The following CDH19 variants were observed in gnomAD, a reference collection of about 807,000 sequenced individuals.
The protein encoded by CDH19 is cadherin 19.
A neutral mutation model predicts 64.2 loss-of-function variants in CDH19; 67 were observed. The observed-to-expected ratio is 1.04, with a 90% CI of 0.86 to 1.28. The LOEUF is 1.28. Ranked by LOEUF, CDH19 falls within the 50% of genes most tolerant of loss-of-function variation. The probability of loss-of-function intolerance (pLI) is 0.00; values close to 1 mark genes in which losing one functional copy is unlikely to be tolerated. For synonymous variants in CDH19, 346 were observed against 319.3 expected (o/e 1.08, Z -0.89); for missense variants, 1,030 against 929.0 (o/e 1.11, Z -1.41).
chr18:66,522,405 T>TA, intron 9 of CDH19, among the ~76,000 whole-genome samples: 1 of 152,090 alleles, frequency 6.6e-6, no homozygotes, highest in Middle Eastern at 3.4e-3. Context: ...CATTCGCCAC[T>TA]ACGCCCGGCT....
intron 1 of CDH19, among the ~76,000 whole-genome samples, chr18:66,600,357 C>T (rs993668085): frequency 2.6e-5 from 4 of 151,680 alleles, no homozygotes; most frequent in Non-Finnish European, 4.4e-5. Context: ...ATTTAAGGGT[C>T]AGTTAAGTAA....
At chr18:66,554,636 C>G (rs1987454734) in intron 3 of CDH19, 112 bp from the exon 4 acceptor site, 1 of 728,394 alleles carries the variant, frequency 1.4e-6, no homozygotes, top group Non-Finnish European at 2.1e-6. Context: ...AATGAAAGCT[C>G]AATTCACCTC....
intron 9 of CDH19, among the ~76,000 whole-genome samples, chr18:66,517,230 T>C (rs1406504892): frequency 6.6e-6 from 1 of 152,024 alleles, no homozygotes; most frequent in Non-Finnish European, 1.5e-5. Flanking sequence ...AAGAGAATCA[T>C]AGATCACAAA....
chr18:66,532,489 TACACAC>T (rs34280650), intron 8 of CDH19: 35 of 146,732 alleles, frequency 2.4e-4, no homozygotes, highest in Admixed American at 8.6e-4. Context: ...AGAGCATTCA[TACACAC>T]ACACACACAC....
intron 7 of CDH19, among the ~76,000 whole-genome samples, chr18:66,542,627 T>G (rs1986932937): frequency 6.6e-6 from 1 of 152,178 alleles, no homozygotes; most frequent in Non-Finnish European, 1.5e-5. Flanking sequence ...CTCCTTTAAG[T>G]GGTATCCTGT....
intron 1 of CDH19, among the ~76,000 whole-genome samples, chr18:66,573,766 A>G (rs183793954): frequency 1.1e-4 from 16 of 151,648 alleles, no homozygotes; most frequent in African/African-American, 3.9e-4. Context: ...TAGTGTAATG[A>G]ACACCTGGAT....
chr18:66,556,200 G>T (rs1038231711), intron 3 of CDH19, among the ~76,000 whole-genome samples: 11 of 151,518 alleles, frequency 7.3e-5, no homozygotes, highest in African/African-American at 2.7e-4. Flanking sequence ...TATGCATATA[G>T]ATAGTAACAT....
At chr18:66,514,618 T>A (rs1356500909) in intron 9 of CDH19, among the ~76,000 whole-genome samples, 1 of 151,546 alleles carries the variant, frequency 6.6e-6, no homozygotes, top group African/African-American at 2.4e-5. Context: ...CTAATGGAAG[T>A]TTCATAAGTT....
chr18:66,580,842 C>T (rs988960427), intron 1 of CDH19, among the ~76,000 whole-genome samples: 1 of 152,028 alleles, frequency 6.6e-6, no homozygotes, highest in Non-Finnish European at 1.5e-5. Context: ...GTTTATACTC[C>T]TCTATATTCC....
At chr18:66,511,537 A>T (rs977204786) in intron 10 of CDH19, 31 bp downstream of exon 10, 1 of 926,544 alleles carries the variant, frequency 1.1e-6, no homozygotes, top group Non-Finnish European at 1.8e-6. Flanking sequence ...ACAAAAATGT[A>T]TCAAAACTCA....
chr18:66,567,829 CCAAGACAGTCAATTCTTAT>C (rs1398554472), intron 3 of CDH19, among the ~76,000 whole-genome samples: 6 of 151,782 alleles, frequency 4.0e-5, no homozygotes, highest in African/African-American at 1.4e-4. Flanking sequence ...TTTCTAATTT[CCAAGACAGTCAATTCTTAT>C]ATCTTATGGA....
chr18:66,543,859 G>C, intron 7 of CDH19, 112 bp downstream of exon 7: 1 of 786,468 alleles, frequency 1.3e-6, no homozygotes, highest in Non-Finnish European at 1.9e-6. Flanking sequence ...CTCGAGCCTA[G>C]AAGACAGAGT....
At position 66,501,806 on chromosome 18, in the gene CDH19, G is replaced by T. The variant is rs1194610106; in HGVS notation, c.*3006C>A. On this transcript the variant is annotated 3_prime_UTR_variant, in exon 12 of 12. Coordinates refer to ENST00000262150, the MANE Select transcript of CDH19 (RefSeq NM_021153.4). ...CATTTTACAAAGTGAGATCTGGAAAGATTAAGCAGTTTAACAAATATTATA... is the reference window on the plus strand; with the variant it reads ...CATTTTACAAAGTGAGATCTGGAAATATTAAGCAGTTTAACAAATATTATA... 2 of 152,088 alleles carry T rather than the reference G, an allele frequency of 1.3e-5. No individual in the cohort carries two copies. The highest frequency in any genetic ancestry group is 2.1e-4 in the South Asian group (1 of 4,834). 9.4% of individuals were successfully genotyped at this position (152,088 alleles called of 1,614,324 possible). A position where few individuals can be genotyped will look rare whatever the true frequency, so the allele number is the denominator to read the frequency against.
At chr18:66,577,728 A>C (rs1257605486) in intron 1 of CDH19, among the ~76,000 whole-genome samples, 1 of 151,982 alleles carries the variant, frequency 6.6e-6, no homozygotes, top group Non-Finnish European at 1.5e-5. Context: ...CCCACAACTC[A>C]GTGTCTTAAA....
intron 1 of CDH19, among the ~76,000 whole-genome samples, chr18:66,599,678 T>C (rs1482798118): frequency 1.3e-5 from 2 of 152,082 alleles, no homozygotes; most frequent in Non-Finnish European, 2.9e-5. Flanking sequence ...TATTCAATTA[T>C]AAATTGTCAA....
chr18:66,519,461 T>C (rs746186362), intron 9 of CDH19, among the ~76,000 whole-genome samples: 17 of 152,136 alleles, frequency 1.1e-4, no homozygotes. Flanking sequence ...CTAATTGGGG[T>C]AGTGTGGATG....
chr18:66,523,737 A>G (rs968464974), intron 9 of CDH19, among the ~76,000 whole-genome samples: 1 of 151,856 alleles, frequency 6.6e-6, no homozygotes, highest in Non-Finnish European at 1.5e-5. Flanking sequence ...AGCACCACAC[A>G]AATCCCCACA....
chr18:66,527,767 A>ATAT (rs544485074), intron 9 of CDH19, among the ~76,000 whole-genome samples: 3 of 142,276 alleles, frequency 2.1e-5, no homozygotes, highest in Admixed American at 7.0e-5. Flanking sequence ...TATATATATA[A>ATAT]AAAACAGAAC....
chr18:66,549,914 A>G (rs1218941128), intron 5 of CDH19, among the ~76,000 whole-genome samples: 1 of 152,140 alleles, frequency 6.6e-6, no homozygotes, highest in Non-Finnish European at 1.5e-5. Flanking sequence ...ACTGGAAGGA[A>G]GTCAGTGAAA....
Sources: gnomAD v4.1 joint callset for allele counts (sites outside exome capture counted in the v4.1 genomes callset) on GRCh38, gnomAD v4.1.1 for gene constraint, MANE v1.5 for transcripts, NCBI Gene and HGNC (gene_info 2026-07-23, HGNC 2026-07-21) for gene names.